GTF3A: variants seen among roughly 807,000 people sequenced by gnomAD.
GTF3A encodes general transcription factor IIIA, also known as transcription factor IIIA.
GTF3A carries 40 observed loss-of-function variants against 37.6 expected under a neutral mutation model. The ratio of observed to expected loss-of-function variants is 1.06; its 90% confidence interval spans 0.83 to 1.38. The LOEUF is 1.38. Among genes scored for constraint, GTF3A ranks in the 40% most tolerant of loss-of-function variants. The probability of loss-of-function intolerance (pLI) is 0.00; values close to 1 mark genes in which losing one functional copy is unlikely to be tolerated. For synonymous variants in GTF3A, 191 were observed against 166.7 expected (o/e 1.15, Z -1.12); for missense variants, 500 against 462.6 (o/e 1.08, Z -0.74).
chr13:27,430,475 G>T, intron 3 of GTF3A, 58 bp from the exon 4 acceptor site: 2 of 1,048,824 alleles, frequency 1.9e-6, no homozygotes, highest in Non-Finnish European at 1.5e-6. Context: ...ATTCTGTTAC[G>T]AACTGTTCAT....
chr13:27,425,710 C>T (rs1033942682), intron 1 of GTF3A: 5 of 152,134 alleles, frequency 3.3e-5, no homozygotes, highest in African/African-American at 4.8e-5. Flanking sequence ...GTGAGGAAAA[C>T]GAGGGTCATG....
chr13:27,430,666 A>G (rs756785857), intron 4 of GTF3A, 45 bp downstream of exon 4: 6 of 1,229,952 alleles, frequency 4.9e-6, no homozygotes, highest in South Asian at 3.7e-5. Flanking sequence ...CTAGGTGTGA[A>G]TAAGATTGGA....
intron 2 of GTF3A, 49 bp from the exon 3 acceptor site, chr13:27,429,821 T>C (rs1409627528): frequency 1.0e-6 from 1 of 989,782 alleles, no homozygotes; most frequent in South Asian, 1.7e-5. Context: ...GTCTTAAAAC[T>C]TCTTCTCCCT....
At chr13:27,425,320 T>A (rs7998978) in intron 1 of GTF3A, 2 of 202,502 alleles carry the variant, frequency 9.9e-6, no homozygotes, top group Non-Finnish European at 2.0e-5. Flanking sequence ...CAGCATGTGC[T>A]CATTTCTTCG....
rs200943475 is a variant in GTF3A, at chr13:27,432,803, G to C, written c.561G>C (p.Glu187Asp). The change falls in exon 5 of 9, where the codon GAG becomes GAC. Residue 187 changes from glutamate to aspartate, a missense_variant and splice_region_variant. By Grantham distance (45) the Glu-to-Asp change is conservative (BLOSUM62 2). Transcript: ENST00000381140. ...TGAAACGACATGCCAAGGCCCACGA[G>C]GGTGTGTACGGATAGCCTGGGTGTG... is the stretch of plus-strand genomic sequence containing the variant. The C allele has an allele frequency of 2.5e-6, 4 of 1,598,252 alleles. No homozygotes were observed. The highest frequency in any genetic ancestry group is 3.4e-6 in the Non-Finnish European group (4 of 1,171,940).
intron 6 of GTF3A, 124 bp from the exon 7 acceptor site, chr13:27,434,681 A>G: frequency 1.7e-6 from 1 of 599,140 alleles, no homozygotes; most frequent in East Asian, 2.8e-5. Context: ...TTCCTTGGGA[A>G]TTTCTGATTT....
rs1346045225 is a variant in GTF3A at position 27,424,747 on chromosome 13, C to T, written c.10C>T (p.Pro4Ser). The T allele has an allele frequency of 5.4e-6, 8 of 1,472,086 alleles. No individual in the cohort carries two copies. The highest frequency in any genetic ancestry group is 7.2e-6 in the Non-Finnish European group (8 of 1,112,038). 91.2% of individuals were successfully genotyped at this position (1,472,086 alleles called of 1,614,324 possible). A position where few individuals can be genotyped will look rare whatever the true frequency, so the allele number is the denominator to read the frequency against. The change falls in exon 1 of 9, where the codon CCG becomes TCG. Residue 4 changes from proline (P) to serine (S), a missense_variant. Coordinates refer to ENST00000381140, the MANE Select transcript of GTF3A (RefSeq NM_002097.3). ...TGGAGGCGCCGGCGCCCTGGATCCG[C>T]CGGCCGTGGTCGCCGAGTCGGTGTC...
chr13:27,429,005 G>A (rs567546007), intron 2 of GTF3A, among the ~76,000 whole-genome samples: 2 of 152,222 alleles, frequency 1.3e-5, no homozygotes, highest in Admixed American at 1.3e-4. Context: ...AGGGGAGGCC[G>A]GAGAGTGCAC....
At chr13:27,426,857 T>C (rs1308192095) in intron 1 of GTF3A, among the ~76,000 whole-genome samples, 1 of 152,342 alleles carries the variant, frequency 6.6e-6, no homozygotes, top group East Asian at 1.9e-4. Flanking sequence ...CTGCTTATTT[T>C]AAATGCTGTT....
Position 27,434,849 on chromosome 13 carries a change from G to T in GTF3A, c.688G>T (p.Asp230Tyr). Residue 230 changes from aspartate (D) to tyrosine (Y), a missense_variant, in exon 7 of 9, where the codon GAT becomes TAT. Coordinates refer to ENST00000381140, the MANE Select transcript of GTF3A (RefSeq NM_002097.3). ...ATGCCGGAAAACATTTAAACGCAAA[G>T]ATTACCTTAAGCAACACATGAAAAC... is the stretch of plus-strand genomic sequence containing the variant. 6.2e-6 allele frequency: 10 copies of T among 1,613,356 alleles called. No individual in the cohort carries two copies. Among genetic ancestry groups the T allele is most frequent in the Non-Finnish European group, 8.5e-6 (10 of 1,179,404 alleles).
Position 27,427,111 on chromosome 13 carries a change from A to G in GTF3A, c.221A>G (p.Tyr74Cys), listed in dbSNP as rs896179119. Residue 74 changes from tyrosine (Y) to cysteine (C), a missense_variant, in exon 2 of 9, where the codon TAT (tyrosine) becomes TGT (cysteine). Transcript: ENST00000381140. Reference sequence around the variant, plus strand: ...TGCTAGAGACCATTTGTTTGTGACTATGAAGGGTGTGGCAAGGCCTTCATC... The same window carrying G: ...TGCTAGAGACCATTTGTTTGTGACTGTGAAGGGTGTGGCAAGGCCTTCATC... 1.9e-6 allele frequency: 3 copies of G among 1,590,852 alleles called. No individual in the cohort carries two copies. The highest frequency in any genetic ancestry group is 2.7e-5 in the African/African-American group (2 of 74,456).
chr13:27,434,944 T>C lies in GTF3A; in HGVS notation c.783T>C (p.Phe261=), dbSNP rs776222896. 1.8e-5 allele frequency: 29 copies of C among 1,610,780 alleles called. No homozygotes were observed. Among genetic ancestry groups the C allele is most frequent in the Non-Finnish European group, 2.3e-5 (27 of 1,177,022 alleles). The change falls in exon 7 of 9, where the codon TTT becomes TTC. Residue 261 remains phenylalanine, a synonymous_variant. Coordinates refer to ENST00000381140, the MANE Select transcript of GTF3A (RefSeq NM_002097.3). ...GTGGAAGAACCTATACAACTGTGTT[T>C]AATCTCCAAAGCCATATCCTCTCCT... is the stretch of plus-strand genomic sequence containing the variant.
chr13:27,431,592 A>G (rs1036019807), intron 4 of GTF3A, among the ~76,000 whole-genome samples: 1 of 152,124 alleles, frequency 6.6e-6, no homozygotes, highest in Non-Finnish European at 1.5e-5. Flanking sequence ...TGAGGACAAA[A>G]AGACACAGTG....
chr13:27,433,315 TTATGA>T (rs1310037278), intron 5 of GTF3A, among the ~76,000 whole-genome samples: 12 of 125,938 alleles, frequency 9.5e-5, no homozygotes, highest in African/African-American at 2.9e-4. Flanking sequence ...GTCCTAGAAT[TTATGA>T]TTTTTTTTTT....
intron 8 of GTF3A, 115 bp downstream of exon 8, chr13:27,435,307 TG>T (rs1953702233): frequency 7.9e-7 from 1 of 1,268,542 alleles, no homozygotes. Flanking sequence ...GCACTACTGT[TG>T]AAGACTTTAC....
chr13:27,427,828 G>A (rs1290999610), intron 2 of GTF3A, among the ~76,000 whole-genome samples: 3 of 151,910 alleles, frequency 2.0e-5, no homozygotes, highest in African/African-American at 4.8e-5. Flanking sequence ...TAGGGGGTGG[G>A]GATGGTAGGA....
chr13:27,425,178 C>T, intron 1 of GTF3A: 1 of 468,918 alleles, frequency 2.1e-6, no homozygotes, highest in Non-Finnish European at 3.9e-6. Context: ...GAGTCTCGGC[C>T]AGCCAAGTGC....
intron 1 of GTF3A, 124 bp from the exon 2 acceptor site, chr13:27,426,968 C>CT (rs1343985969): frequency 3.2e-6 from 2 of 630,538 alleles, no homozygotes; most frequent in African/African-American, 1.8e-5. Context: ...GTGCACAGCT[C>CT]TGAGTAGAAA....
At chr13:27,434,668 T>C in intron 6 of GTF3A, 137 bp from the exon 7 acceptor site, 1 of 594,342 alleles carries the variant, frequency 1.7e-6, no homozygotes, top group South Asian at 2.3e-5. Flanking sequence ...AAACTGGGGT[T>C]GTTTCCTTGG....
Sources: allele counts gnomAD v4.1 joint callset (sites outside exome capture counted in the v4.1 genomes callset), GRCh38; gene constraint gnomAD v4.1.1; transcripts MANE v1.5; gene names NCBI Gene and HGNC (gene_info 2026-07-23, HGNC 2026-07-21).